The following TIPARP variants were observed in gnomAD, a reference collection of about 807,000 sequenced individuals.
The protein encoded by TIPARP is TCDD inducible poly(ADP-ribose) polymerase, also known as protein mono-ADP-ribosyltransferase TIPARP.
Under a neutral mutation model 56.5 loss-of-function variants are expected in TIPARP, and 12 were observed. The observed-to-expected ratio is 0.21, with a 90% CI of 0.14 to 0.34. The LOEUF (loss-of-function observed/expected upper bound fraction) is 0.34. TIPARP is among the 10% of genes least tolerant of loss of function. TIPARP has a pLI of 1.00. For missense variants in TIPARP, 604 were observed against 781.6 expected (o/e 0.77, Z 2.71); for synonymous variants, 296 against 265.7 (o/e 1.11, Z -1.11).
chr3:156,705,100 A>G lies in TIPARP; in HGVS notation c.1943A>G (p.Tyr648Cys). 2 of 1,592,268 alleles carry G rather than the reference A, an allele frequency of 1.3e-6. No homozygotes were observed. The highest frequency in any genetic ancestry group is 1.7e-6 in the Non-Finnish European group (2 of 1,167,072). ...AGTTACCCTTATTTTGTTATCCAAT[A>G]TGAAGAAGTCAGTAACACTGTTTCC... ...DQSYPYFVIQ[Y>C]EEVSNTVSI Residue 648 changes from tyrosine (Y) to cysteine (C), a missense_variant, in exon 6 of 6, where the codon TAT (tyrosine) becomes TGT (cysteine). This residue lies in a region of TIPARP where 77 missense variants were observed against 161.0 expected (regional missense o/e 0.48). Transcript: ENST00000295924.
At position 156,703,661 on chromosome 3, in the gene TIPARP, A is replaced by C. The variant is rs58693032; in HGVS notation, c.1485A>C (p.Ile495=). Residue 495 remains isoleucine, a synonymous_variant, in exon 5 of 6, where the codon ATA becomes ATC. Transcript: ENST00000295924. ...VPEFKYRILQ[I]LRVQNQFLWE... is the part of the protein sequence containing the mutation. The stretch of plus-strand genomic sequence containing the variant: ...AGTTTAAATACAGAATTTTGCAGAT[A>C]TTGAGAGTCCAAAACCAGTTTCTTT... The C allele has an allele frequency of 8.7e-5, 140 of 1,613,852 alleles. No homozygotes were observed. In the African/African-American group the frequency reaches 1.7e-3, roughly 20 times the overall value.
At chr3:156,691,383 G>A (rs561289185) in intron 2 of TIPARP, among the ~76,000 whole-genome samples, 2 of 152,214 alleles carry the variant, frequency 1.3e-5, no homozygotes, top group African/African-American at 4.8e-5. Flanking sequence ...TTTCCTGAAT[G>A]TACTTGCCAC....
rs1442674289 is a variant in TIPARP, at chr3:156,695,748, T to A, written c.1087-117T>A. On this transcript the variant is annotated intron_variant, in intron 3 of 5. Coordinates refer to ENST00000295924, the MANE Select transcript of TIPARP (RefSeq NM_015508.5). ...TATAAAGGGAGTTATTTAGACTCAC[T>A]GTACTTTATTGAAATTCCTGTGAGG... 4 of 1,356,564 alleles carry A rather than the reference T, an allele frequency of 2.9e-6. No individual in the cohort carries two copies. The South Asian group carries it at 4.8e-5, about 16-fold the overall frequency. The allele number at this position is 1,356,564 out of a possible 1,614,324, so 84.0% of individuals were successfully genotyped here.
Position 156,695,937 on chromosome 3 carries a change from C to T in TIPARP, c.1159C>T (p.His387Tyr). The T allele has an allele frequency of 6.2e-7, 1 of 1,607,800 alleles. No homozygotes were observed. Among genetic ancestry groups the T allele is most frequent in the Non-Finnish European group, 8.5e-7 (1 of 1,178,318 alleles). The change falls in exon 4 of 6, where the codon CAC (histidine) becomes TAC (tyrosine). Residue 387 changes from histidine to tyrosine, a missense_variant. By Grantham distance (83) the His-to-Tyr change is moderately conservative (BLOSUM62 2). Around this residue, in one of 4 missense-constraint regions of TIPARP, gnomAD observed 252 missense variants for 303.9 expected, o/e 0.83. Transcript: ENST00000295924. ...GGTTCGATTTATGATGTGGAATAAC[C>T]ACTACATCCTCCACAATTCATTCTT... Reference protein sequence around the residue: ...KEVRFMMWNNHYILHNSFFRR... With the variant: ...KEVRFMMWNNYYILHNSFFRR...
chr3:156,693,535 T>C (rs1462211379), intron 2 of TIPARP, among the ~76,000 whole-genome samples: 2 of 152,250 alleles, frequency 1.3e-5, no homozygotes, highest in Non-Finnish European at 2.9e-5. Flanking sequence ...GGATTCATTT[T>C]ATTTTTCCCT....
At chr3:156,685,092 C>A (rs1379855189) in intron 2 of TIPARP, among the ~76,000 whole-genome samples, 5 of 152,168 alleles carry the variant, frequency 3.3e-5, no homozygotes, top group African/African-American at 1.2e-4. Flanking sequence ...TAAATATAAT[C>A]AATTCTGTGA....
chr3:156,703,739 C>T (rs768777226), intron 5 of TIPARP, 37 bp downstream of exon 5: 38 of 1,569,918 alleles, frequency 2.4e-5, no homozygotes, highest in Middle Eastern at 2.3e-4. Context: ...GACGGCCGGG[C>T]GCAGTGGCTC....
chr3:156,702,190 A>G (rs775352697), intron 4 of TIPARP, among the ~76,000 whole-genome samples: 1 of 151,982 alleles, frequency 6.6e-6, no homozygotes, highest in African/African-American at 2.4e-5. Flanking sequence ...ATTGTGAAAC[A>G]TATGGAACTG....
chr3:156,698,731 T>C (rs1183818509), intron 4 of TIPARP, among the ~76,000 whole-genome samples: 2 of 152,216 alleles, frequency 1.3e-5, no homozygotes, highest in African/African-American at 2.4e-5. Flanking sequence ...AGCCCACTTA[T>C]CAAGTAGTCA....
At chr3:156,675,420 A>G (rs1722096490) in intron 1 of TIPARP, 1 of 152,230 alleles carries the variant, frequency 6.6e-6, no homozygotes, top group South Asian at 2.1e-4. Context: ...GAAGAATTAG[A>G]GAGAGAAGGC....
Position 156,677,824 on chromosome 3 carries a change from A to C in TIPARP, c.127A>C (p.Lys43Gln). ...ITPLKTCFKK[K>Q]DQKRLGTGTL... ...TCCATTGAAGACTTGTTTTAAGAAA[A>C]AGGATCAGAAAAGATTGGGAACTGG... is the stretch of plus-strand genomic sequence containing the variant. The change falls in exon 2 of 6, where the codon AAG becomes CAG. Residue 43 changes from lysine to glutamine, a missense_variant. By Grantham distance (53) the Lys-to-Gln change is moderately conservative (BLOSUM62 1). Around this residue, in one of 4 missense-constraint regions of TIPARP, gnomAD observed 261 missense variants for 279.2 expected, o/e 0.93. Coordinates refer to ENST00000295924, the MANE Select transcript of TIPARP (RefSeq NM_015508.5). 7 of 1,614,194 alleles carry C rather than the reference A, an allele frequency of 4.3e-6. No homozygotes were observed. Among genetic ancestry groups the C allele is most frequent in the Non-Finnish European group, 5.9e-6 (7 of 1,180,038 alleles).
At chr3:156,692,421 C>T (rs1474034126) in intron 2 of TIPARP, among the ~76,000 whole-genome samples, 2 of 151,892 alleles carry the variant, frequency 1.3e-5, no homozygotes, top group Non-Finnish European at 2.9e-5. Flanking sequence ...TTAAATATTC[C>T]TACTTACCAT....
chr3:156,688,676 T>A (rs1346853148), intron 2 of TIPARP, among the ~76,000 whole-genome samples: 1 of 152,192 alleles, frequency 6.6e-6, no homozygotes, highest in African/African-American at 2.4e-5. Flanking sequence ...TTGATTCTCA[T>A]CACCTTGTAA....
intron 4 of TIPARP, among the ~76,000 whole-genome samples, chr3:156,701,240 C>T (rs1722837557): frequency 6.6e-6 from 1 of 152,134 alleles, no homozygotes; most frequent in Admixed American, 6.5e-5. Flanking sequence ...AATGGACCTC[C>T]ATCCCCTGCA....
chr3:156,703,742 A>T (rs369042492), intron 5 of TIPARP, 40 bp downstream of exon 5: 140 of 1,567,674 alleles, frequency 8.9e-5, no homozygotes, highest in Middle Eastern at 7.0e-4. Context: ...GGCCGGGCGC[A>T]GTGGCTCAAG....
At chr3:156,691,226 A>G (rs1391956252) in intron 2 of TIPARP, among the ~76,000 whole-genome samples, 3 of 152,176 alleles carry the variant, frequency 2.0e-5, no homozygotes, top group African/African-American at 7.2e-5. Context: ...CCTGTTATTT[A>G]AACTGCTTCT....
At chr3:156,685,823 G>A (rs1255288764) in intron 2 of TIPARP, among the ~76,000 whole-genome samples, 2 of 152,240 alleles carry the variant, frequency 1.3e-5, no homozygotes, top group Non-Finnish European at 2.9e-5. Flanking sequence ...GAGGACCAAA[G>A]GGTGAACTTT....
intron 2 of TIPARP, among the ~76,000 whole-genome samples, chr3:156,683,566 T>C (rs967189220): frequency 2.6e-5 from 4 of 151,416 alleles, no homozygotes; most frequent in African/African-American, 4.8e-5. Context: ...ATAGTGGGCA[T>C]GCAAAAAAAA....
At chr3:156,689,477 C>G (rs949828345) in intron 2 of TIPARP, among the ~76,000 whole-genome samples, 1 of 152,142 alleles carries the variant, frequency 6.6e-6, no homozygotes, top group Non-Finnish European at 1.5e-5. Flanking sequence ...AATGGTTTTT[C>G]TCTACCTGTC....
Sources: gnomAD v4.1 joint callset for allele counts (sites outside exome capture counted in the v4.1 genomes callset) on GRCh38, gnomAD v4.1.1 for gene constraint, gnomAD v4.1.1 regional missense constraint, MANE v1.5 for transcripts, NCBI Gene and HGNC (gene_info 2026-07-23, HGNC 2026-07-21) for gene names.